Variants in POPDC2 observed in about 807,000 individuals in gnomAD.
The protein encoded by POPDC2 is popeye domain-containing protein 2.
Under a neutral mutation model 30.5 loss-of-function variants are expected in POPDC2, and 24 were observed. The ratio of observed to expected loss-of-function variants is 0.79; its 90% CI spans 0.57 to 1.11. The LOEUF (loss-of-function observed/expected upper bound fraction) is 1.11. Ranked by LOEUF, POPDC2 falls within the 50% of genes least tolerant of loss-of-function variation. The probability of loss-of-function intolerance (pLI) is 0.00; values close to 1 mark genes in which losing one functional copy is unlikely to be tolerated. For synonymous variants in POPDC2, 185 were observed against 183.3 expected (o/e 1.01, Z -0.07); for missense variants, 409 against 447.0 (o/e 0.91, Z 0.77).
upstream of POPDC2, chr3:119,660,658 C>CT: frequency 3.5e-6 from 1 of 287,284 alleles, no homozygotes; most frequent in Non-Finnish European, 6.2e-6. Context: ...CCCCCTCTCC[C>CT]CCCCTCTCTC....
intron 3 of POPDC2, among the ~76,000 whole-genome samples, chr3:119,645,785 C>T (rs1424190004): frequency 6.6e-6 from 1 of 152,134 alleles, no homozygotes; most frequent in Non-Finnish European, 1.5e-5. Context: ...CTCAGATGTC[C>T]TGGGGCTTGT....
At chr3:119,643,388 GC>G in intron 3 of POPDC2, 1 of 1,535,456 alleles carries the variant, frequency 6.5e-7, no homozygotes, top group Non-Finnish European at 8.7e-7. Context: ...AGGGGATTCT[GC>G]CAGCTGCCAC....
chr3:119,645,787 G>T (rs1383636588), intron 3 of POPDC2, among the ~76,000 whole-genome samples: 1 of 152,134 alleles, frequency 6.6e-6, no homozygotes, highest in Non-Finnish European at 1.5e-5. Flanking sequence ...CAGATGTCCT[G>T]GGGCTTGTGT....
chr3:119,643,151 T>C (rs2052709619), intron 3 of POPDC2, among the ~76,000 whole-genome samples: 1 of 152,214 alleles, frequency 6.6e-6, no homozygotes, highest in South Asian at 2.1e-4. Context: ...GAGCCAGGAC[T>C]CTTTCCAGTA....
intron 1 of POPDC2, among the ~76,000 whole-genome samples, chr3:119,656,103 TA>T (rs965629600): frequency 1.3e-5 from 2 of 152,090 alleles, no homozygotes; most frequent in African/African-American, 4.8e-5. Flanking sequence ...CTGAAGGAAC[TA>T]AAAAAAATTT....
chr3:119,642,897 T>C (rs1029416532), intron 3 of POPDC2, among the ~76,000 whole-genome samples: 4 of 152,220 alleles, frequency 2.6e-5, no homozygotes, highest in African/African-American at 9.6e-5. Flanking sequence ...TATTGAATAA[T>C]GGTAAGTTTC....
chr3:119,650,433 CT>C (rs1364232500), intron 2 of POPDC2, among the ~76,000 whole-genome samples: 1 of 152,182 alleles, frequency 6.6e-6, no homozygotes, highest in East Asian at 1.9e-4. Context: ...GACTTTGTCC[CT>C]AGCAGTCCAC....
At chr3:119,657,011 G>C (rs893841424) in intron 1 of POPDC2, among the ~76,000 whole-genome samples, 38 of 152,192 alleles carry the variant, frequency 2.5e-4, no homozygotes, top group Non-Finnish European at 2.1e-4. Flanking sequence ...GTGCTATTGT[G>C]GAACAGTAAC....
At chr3:119,648,982 T>C (rs1181528206) in intron 2 of POPDC2, among the ~76,000 whole-genome samples, 1 of 152,250 alleles carries the variant, frequency 6.6e-6, no homozygotes, top group African/African-American at 2.4e-5. Context: ...ATGCCACTAA[T>C]GACTGCAGAA....
intron 2 of POPDC2, among the ~76,000 whole-genome samples, chr3:119,651,674 C>T (rs906623005): frequency 3.3e-5 from 5 of 149,658 alleles, no homozygotes; most frequent in African/African-American, 9.8e-5. Context: ...CTTGCTCTGT[C>T]ACCCAGGCTG....
chr3:119,647,767 C>T (rs1201756448), intron 3 of POPDC2, among the ~76,000 whole-genome samples: 1 of 152,186 alleles, frequency 6.6e-6, no homozygotes, highest in Admixed American at 6.5e-5. Context: ...AGAACCCTGC[C>T]ACATTCTTTT....
chr3:119,653,972 C>T lies in POPDC2; in HGVS notation c.600+533G>A, dbSNP rs1278597028. Among the ~76,000 whole-genome samples the T allele has an allele frequency of 4.2e-5, 6 of 141,668 alleles. No individual in the cohort carries two copies. In the East Asian group the frequency reaches 1.1e-3, roughly 26 times the overall value. The allele number at this position is 141,668 out of a possible 152,430, so 92.9% of individuals were successfully genotyped here. On this transcript the variant is annotated intron_variant, in intron 2 of 3. Coordinates refer to ENST00000493094, the MANE Select transcript of POPDC2 (RefSeq NM_001369919.2). ...GGACTAGAACAGGCACACAGGAGTG[C>T]TAGGCTGTGGGGTGGAAGCTGGTGA...
At chr3:119,646,631 C>A (rs187663482) in intron 3 of POPDC2, among the ~76,000 whole-genome samples, 2 of 151,882 alleles carry the variant, frequency 1.3e-5, no homozygotes, top group Admixed American at 6.6e-5. Flanking sequence ...CAGAGTGAGA[C>A]CCTGTCTCAA....
rs377607045 is a variant in POPDC2, at chr3:119,648,631, G to A, written c.638C>T (p.Ser213Phe). The A allele has an allele frequency of 1.1e-5, 17 of 1,614,146 alleles. No homozygotes were observed. The highest frequency in any genetic ancestry group is 2.2e-5 in the South Asian group (2 of 91,062). Residue 213 changes from serine to phenylalanine, a missense_variant, in exon 3 of 4, where the codon TCC becomes TTC. Physicochemically the swap from Ser to Phe is radical, Grantham distance 155. Transcript: ENST00000493094. ...AAGATGGAGACTTTTCCGGGGCCAGGAAATGTAGCTACATGAGGTCTCAGC... is the reference window on the plus strand; with the variant it reads ...AAGATGGAGACTTTTCCGGGGCCAGAAAATGTAGCTACATGAGGTCTCAGC... ...LTAETSCSYISWPRKSLHLLL... is the reference protein window; with the variant it reads ...LTAETSCSYIFWPRKSLHLLL...
At chr3:119,648,922 C>T (rs1266993250) in intron 2 of POPDC2, among the ~76,000 whole-genome samples, 1 of 152,200 alleles carries the variant, frequency 6.6e-6, no homozygotes, top group Non-Finnish European at 1.5e-5. Flanking sequence ...CCTGAAGCCT[C>T]AGTTTCCACA....
intron 1 of POPDC2, 48 bp downstream of exon 1, chr3:119,659,885 A>G: frequency 1.3e-6 from 2 of 1,526,808 alleles, no homozygotes; most frequent in Non-Finnish European, 1.8e-6. Flanking sequence ...GGAAATGAGA[A>G]GTGTGGGCTG....
At chr3:119,654,841 C>G in intron 1 of POPDC2, 5 of 499,066 alleles carry the variant, frequency 1.0e-5, no homozygotes, top group Non-Finnish European at 1.4e-5. Flanking sequence ...CCTCCTTCTC[C>G]TTACTGGTGG....
intron 3 of POPDC2, among the ~76,000 whole-genome samples, chr3:119,646,136 G>A (rs2052742880): frequency 6.6e-6 from 1 of 152,114 alleles, no homozygotes; most frequent in African/African-American, 2.4e-5. Context: ...CTGATCTTTG[G>A]AAGAGTTAGG....
In POPDC2 at chr3:119,648,094, C is replaced by T. The variant is rs2052764834; in HGVS notation, c.*43+25G>A. 4.9e-6 allele frequency: 7 copies of T among 1,431,492 alleles called. No individual in the cohort carries two copies. The South Asian group carries it at 1.0e-4, about 21-fold the overall frequency. The allele number at this position is 1,431,492 out of a possible 1,614,324, so 88.7% of individuals were successfully genotyped here. On this transcript the variant is annotated intron_variant, in intron 3 of 3. Transcript: ENST00000493094. ...AAGGCCAGCCATTGACAGGAATGTG[C>T]AGCGGCTGCCTTCTGAGTACTTACA...
Sources: allele counts gnomAD v4.1 joint callset (sites outside exome capture counted in the v4.1 genomes callset), GRCh38; gene constraint gnomAD v4.1.1; transcripts MANE v1.5; gene names NCBI Gene and HGNC (gene_info 2026-07-23, HGNC 2026-07-21).